The following HPSE2 variants were observed in gnomAD, a reference collection of about 807,000 sequenced individuals.
The protein encoded by HPSE2 is heparanase 2 (inactive).
A neutral mutation model predicts 60.5 loss-of-function variants in HPSE2; 38 were observed. The ratio of observed to expected loss-of-function variants is 0.63; its 90% CI spans 0.48 to 0.82. The LOEUF (loss-of-function observed/expected upper bound fraction) is 0.82. HPSE2 is among the 40% of genes least tolerant of loss of function. HPSE2 has a pLI of 0.00. For missense variants in HPSE2, 713 were observed against 740.4 expected, an observed-to-expected ratio of 0.96 and a Z score of 0.43; for synonymous variants, 295 against 293.2, an observed-to-expected ratio of 1.01 and a Z score of -0.06.
At chr10:98,757,557 A>G (rs1949906527) in intron 3 of HPSE2, among the ~76,000 whole-genome samples, 1 of 152,136 alleles carries the variant, frequency 6.6e-6, no homozygotes, top group Non-Finnish European at 1.5e-5. Context: ...CTGAGAGCCA[A>G]ATCAAAAATG....
At chr10:98,905,001 G>C (rs1208426349) in intron 3 of HPSE2, among the ~76,000 whole-genome samples, 1 of 152,078 alleles carries the variant, frequency 6.6e-6, no homozygotes, top group Non-Finnish European at 1.5e-5. Flanking sequence ...TTTTCAAAAA[G>C]TCTTTAACAT....
intron 3 of HPSE2, among the ~76,000 whole-genome samples, chr10:99,014,227 ATG>A (rs1957083053): frequency 6.6e-6 from 1 of 152,026 alleles, no homozygotes; most frequent in African/African-American, 2.4e-5. Flanking sequence ...CTCCCCATTC[ATG>A]TGTTAGTTTG....
chr10:99,225,122 CA>C (rs1332135800), intron 2 of HPSE2, among the ~76,000 whole-genome samples: 1 of 152,032 alleles, frequency 6.6e-6, no homozygotes. Flanking sequence ...ATAAAATAAA[CA>C]TAAATAAAAC....
At chr10:98,769,698 A>T (rs1277029441) in intron 3 of HPSE2, among the ~76,000 whole-genome samples, 1 of 152,158 alleles carries the variant, frequency 6.6e-6, no homozygotes, top group Non-Finnish European at 1.5e-5. Flanking sequence ...GGAGATGGTT[A>T]AGAAAAGAGG....
chr10:98,629,024 T>C (rs1296908535), intron 7 of HPSE2, among the ~76,000 whole-genome samples: 4 of 152,244 alleles, frequency 2.6e-5, no homozygotes, highest in African/African-American at 7.2e-5. Context: ...AAAACTGTGA[T>C]CTAAGTCCTT....
Position 98,603,554 on chromosome 10 carries a change from C to T in HPSE2, c.1320+11350G>A, listed in dbSNP as rs371950333. On this transcript the variant is annotated intron_variant, in intron 9 of 11. Coordinates refer to ENST00000370552, the MANE Select transcript of HPSE2 (RefSeq NM_021828.5). ...AAGCAATTCTCCTGCCACAGCCTCCCGAGTAGCTGGGACTACAGGCACACA... is the reference window on the plus strand; with the variant it reads ...AAGCAATTCTCCTGCCACAGCCTCCTGAGTAGCTGGGACTACAGGCACACA... Among the ~76,000 whole-genome samples, 157 of 151,834 alleles carry T rather than the reference C, an allele frequency of 1.0e-3. 1 individual carries two copies. The highest frequency in any genetic ancestry group is 3.5e-3 in the African/African-American group (144 of 41,422).
chr10:98,562,668 T>C (rs1323304097), intron 9 of HPSE2, among the ~76,000 whole-genome samples: 2 of 145,016 alleles, frequency 1.4e-5, no homozygotes, highest in Non-Finnish European at 1.5e-5. Context: ...TGAGCCGAGA[T>C]TGCACCACTG....
chr10:99,294,827 A>C, the HPSE2 span, among the ~76,000 whole-genome samples: 1 of 152,060 alleles, frequency 6.6e-6, no homozygotes, highest in African/African-American at 2.4e-5. Context: ...GTGTACCACC[A>C]CGCCTGTAAT....
At chr10:99,195,469 C>G (rs138376287) in intron 2 of HPSE2, among the ~76,000 whole-genome samples, 394 of 151,176 alleles carry the variant, frequency 2.6e-3, no homozygotes, top group Non-Finnish European at 4.8e-3. Context: ...AAAACAAAGA[C>G]TCCATTAAAA....
At chr10:99,274,152 C>G in the HPSE2 span, among the ~76,000 whole-genome samples, 1 of 152,166 alleles carries the variant, frequency 6.6e-6, no homozygotes, top group Non-Finnish European at 1.5e-5. Context: ...TTGAGACCAA[C>G]CTGGCCAACA....
At chr10:98,924,323 A>C (rs1195287285) in intron 3 of HPSE2, among the ~76,000 whole-genome samples, 1 of 152,226 alleles carries the variant, frequency 6.6e-6, no homozygotes, top group East Asian at 1.9e-4. Context: ...TCAGACCCAA[A>C]GCCAGCACAG....
chr10:98,946,103 C>G (rs2135174832), intron 3 of HPSE2, among the ~76,000 whole-genome samples: 1 of 152,008 alleles, frequency 6.6e-6, no homozygotes, highest in Admixed American at 6.6e-5. Flanking sequence ...ATATGTATAA[C>G]TATAGTCTAC....
intron 3 of HPSE2, among the ~76,000 whole-genome samples, chr10:98,777,161 G>A (rs1268429746): frequency 2.0e-5 from 3 of 152,032 alleles, no homozygotes; most frequent in Admixed American, 1.3e-4. Context: ...TTGAAGTTCC[G>A]GGAGATTAAA....
intron 3 of HPSE2, among the ~76,000 whole-genome samples, chr10:99,090,027 T>A (rs2135595218): frequency 6.6e-6 from 1 of 152,314 alleles, no homozygotes; most frequent in East Asian, 1.9e-4. Flanking sequence ...TAATTTTGTA[T>A]CCTAAAACTT....
chr10:99,093,489 T>C (rs1445767712), intron 3 of HPSE2, among the ~76,000 whole-genome samples: 1 of 152,178 alleles, frequency 6.6e-6, no homozygotes, highest in Non-Finnish European at 1.5e-5. Flanking sequence ...GAGTAATTTA[T>C]GAAGGGAAAT....
intron 3 of HPSE2, among the ~76,000 whole-genome samples, chr10:98,776,018 C>A (rs946156502): frequency 1.3e-5 from 2 of 152,084 alleles, no homozygotes; most frequent in Non-Finnish European, 2.9e-5. Context: ...CTCCTCAGTC[C>A]CCACAACCAT....
At chr10:99,011,907 A>G (rs1957027172) in intron 3 of HPSE2, among the ~76,000 whole-genome samples, 1 of 152,018 alleles carries the variant, frequency 6.6e-6, no homozygotes, top group African/African-American at 2.4e-5. Flanking sequence ...TTCTCAAACA[A>G]TGTATTTATA....
At chr10:98,944,560 G>T (rs976277965) in intron 3 of HPSE2, among the ~76,000 whole-genome samples, 1 of 152,076 alleles carries the variant, frequency 6.6e-6, no homozygotes, top group Non-Finnish European at 1.5e-5. Context: ...CCCATTTTAT[G>T]CATATGCATT....
intron 2 of HPSE2, among the ~76,000 whole-genome samples, chr10:99,176,044 A>T (rs1430531606): frequency 6.6e-6 from 1 of 152,242 alleles, no homozygotes; most frequent in Non-Finnish European, 1.5e-5. Flanking sequence ...TGTTAGAAGG[A>T]AAACTAACAA....
Sources: gnomAD v4.1 joint callset for allele counts (sites outside exome capture counted in the v4.1 genomes callset) on GRCh38, gnomAD v4.1.1 for gene constraint, MANE v1.5 for transcripts, NCBI Gene and HGNC (gene_info 2026-07-23, HGNC 2026-07-21) for gene names.